The following FARP1 variants were observed in gnomAD, a reference collection of about 807,000 sequenced individuals.
FARP1 encodes FERM, ARH/RhoGEF and pleckstrin domain protein 1.
Under a neutral mutation model 128.8 loss-of-function variants are expected in FARP1, and 52 were observed. The observed-to-expected ratio is 0.40, with a 90% CI of 0.32 to 0.51. FARP1 has a LOEUF of 0.51. FARP1 is among the 20% of genes least tolerant of loss of function. The pLI is 0.45. For missense variants in FARP1, 1,333 were observed against 1,367.9 expected (o/e 0.97, Z 0.40); for synonymous variants, 580 against 551.8 (o/e 1.05, Z -0.72).
intron 3 of FARP1, chr13:98,345,714 G>A (rs1481958304): frequency 6.6e-6 from 1 of 152,214 alleles, no homozygotes; most frequent in Non-Finnish European, 1.5e-5. Flanking sequence ...CATGACCCAC[G>A]TTCTACAGCA....
intron 5 of FARP1, among the ~76,000 whole-genome samples, chr13:98,373,745 C>T (rs1889460730): frequency 1.3e-5 from 2 of 152,158 alleles, no homozygotes; most frequent in African/African-American, 4.8e-5. Flanking sequence ...ATAAAATTTC[C>T]TAAATGACTT....
intron 1 of FARP1, among the ~76,000 whole-genome samples, chr13:98,155,073 G>T (rs577510847): frequency 1.3e-5 from 2 of 152,172 alleles, no homozygotes; most frequent in Non-Finnish European, 2.9e-5. Context: ...GGGGCCGGGC[G>T]TGGTGGCTCA....
chr13:98,320,716 C>T (rs1886953096), intron 2 of FARP1, among the ~76,000 whole-genome samples: 1 of 152,208 alleles, frequency 6.6e-6, no homozygotes, highest in African/African-American at 2.4e-5. Flanking sequence ...GTATCTTCAA[C>T]AGTGATCTTC....
At chr13:98,332,315 A>G (rs929055614) in intron 2 of FARP1, 3 of 150,836 alleles carry the variant, frequency 2.0e-5, no homozygotes, top group African/African-American at 7.3e-5. Context: ...CTTTTGTTAT[A>G]TACCTGTTTG....
intron 2 of FARP1, among the ~76,000 whole-genome samples, chr13:98,253,883 T>C (rs1411719856): frequency 6.6e-6 from 1 of 152,200 alleles, no homozygotes; most frequent in African/African-American, 2.4e-5. Context: ...GAATCCACTG[T>C]CTTGTTTGTG....
At chr13:98,303,135 C>T (rs4772068) in intron 2 of FARP1, among the ~76,000 whole-genome samples, 73,719 of 152,102 alleles carry the variant, frequency 0.48, 19,052 homozygotes, top group East Asian at 0.63. Flanking sequence ...GTCAGATACA[C>T]ATGATGACGT....
chr13:98,446,660 T>A lies in FARP1; in HGVS notation c.2905-6T>A. The A allele has an allele frequency of 6.2e-7, 1 of 1,614,034 alleles. No individual in the cohort carries two copies. The highest frequency in any genetic ancestry group is 1.1e-5 in the South Asian group (1 of 91,064). On this transcript the variant is annotated splice_region_variant and splice_polypyrimidine_tract_variant and intron_variant, in intron 25 of 26. Transcript: ENST00000319562. ...AAAGCCACTTTGCTTTGTTTCCCCT[T>A]TCCAGGACAATCATCCCCTTGCCAG... is the stretch of plus-strand genomic sequence containing the variant.
At chr13:98,320,882 G>A (rs917732711) in intron 2 of FARP1, among the ~76,000 whole-genome samples, 16 of 152,080 alleles carry the variant, frequency 1.1e-4, no homozygotes, top group African/African-American at 2.9e-4. Flanking sequence ...TATCTCCTCC[G>A]AGTCACTCAG....
chr13:98,441,514 C>T (rs1364620516), intron 24 of FARP1, among the ~76,000 whole-genome samples: 2 of 152,342 alleles, frequency 1.3e-5, no homozygotes, highest in Non-Finnish European at 1.5e-5. Flanking sequence ...AAAGGAGCCC[C>T]GCAGGGCCCC....
intron 5 of FARP1, among the ~76,000 whole-genome samples, chr13:98,373,533 G>GACAGACACACACAC (rs1349451618): frequency 6.3e-4 from 83 of 131,064 alleles, no homozygotes; most frequent in African/African-American, 1.4e-3. Flanking sequence ...CAGACAGACA[G>GACAGACACACACAC]ACACACACAC....
intron 1 of FARP1, among the ~76,000 whole-genome samples, chr13:98,194,236 C>A (rs1439342484): frequency 3.3e-5 from 5 of 152,144 alleles, no homozygotes; most frequent in Non-Finnish European, 7.4e-5. Flanking sequence ...CCTGCCTCAG[C>A]CTCCCGAGTA....
intron 1 of FARP1, among the ~76,000 whole-genome samples, chr13:98,192,102 A>G (rs1412476416): frequency 2.6e-5 from 4 of 152,040 alleles, no homozygotes; most frequent in Non-Finnish European, 5.9e-5. Context: ...AAAAAAAACA[A>G]ACTTTAACAT....
intron 2 of FARP1, among the ~76,000 whole-genome samples, chr13:98,317,831 C>T (rs1022730765): frequency 3.9e-5 from 6 of 152,060 alleles, no homozygotes; most frequent in Non-Finnish European, 7.4e-5. Flanking sequence ...CTTGTAGTGT[C>T]CTTTCATGGC....
At chr13:98,237,087 T>G (rs1882466530) in intron 2 of FARP1, among the ~76,000 whole-genome samples, 1 of 151,412 alleles carries the variant, frequency 6.6e-6, no homozygotes, top group Admixed American at 6.6e-5. Flanking sequence ...GGTGGATCAC[T>G]TGAAGTCAGG....
chr13:98,176,927 C>T lies in FARP1; in HGVS notation c.-24+33435C>T. The T allele has an allele frequency of 1.2e-6, 2 of 1,603,672 alleles. No individual in the cohort carries two copies. The highest frequency in any genetic ancestry group is 1.7e-6 in the Non-Finnish European group (2 of 1,179,922). On this transcript the variant is annotated intron_variant, in intron 1 of 26. Transcript: ENST00000319562. This position sits in a 1 kb window ranked among gnomAD's most constrained non-coding sequence, Gnocchi z 6.2. ...GCGGTGGCCCCCATGTCCTCTGGCC[C>T]CACAGGCTTCGCCGAGCGGGTGGAC...
intron 2 of FARP1, among the ~76,000 whole-genome samples, chr13:98,241,296 G>A (rs563246940): frequency 2.0e-5 from 3 of 151,944 alleles, no homozygotes; most frequent in East Asian, 1.9e-4. Flanking sequence ...GGAGGTGGAC[G>A]GCATGTGCTG....
At chr13:98,294,611 A>G (rs542789602) in intron 2 of FARP1, among the ~76,000 whole-genome samples, 1 of 152,326 alleles carries the variant, frequency 6.6e-6, no homozygotes, top group African/African-American at 2.4e-5. Flanking sequence ...CATAAAGGTA[A>G]ATTTACAGTA....
chr13:98,394,053 G>C (rs1030288250), intron 12 of FARP1, among the ~76,000 whole-genome samples: 2 of 152,216 alleles, frequency 1.3e-5, no homozygotes, highest in African/African-American at 4.8e-5. Context: ...GGTCCACTTG[G>C]GAAGAGATGG....
chr13:98,349,290 G>A (rs1888306233), intron 3 of FARP1, among the ~76,000 whole-genome samples: 1 of 152,180 alleles, frequency 6.6e-6, no homozygotes, highest in East Asian at 1.9e-4. Flanking sequence ...AGGTCTCATG[G>A]CACATAGTAG....
Sources: gnomAD v4.1 joint callset for allele counts (sites outside exome capture counted in the v4.1 genomes callset) on GRCh38, gnomAD v4.1.1 for gene constraint, Gnocchi (gnomAD v3.1) non-coding constraint, MANE v1.5 for transcripts, NCBI Gene and HGNC (gene_info 2026-07-23, HGNC 2026-07-21) for gene names.